The following SAMD5 variants were observed in gnomAD, a reference collection of about 807,000 sequenced individuals.
SAMD5 encodes the protein sterile alpha motif domain-containing protein 5.
A neutral mutation model predicts 11.3 loss-of-function variants in SAMD5; 13 were observed. The ratio of observed to expected loss-of-function variants is 1.15; its 90% CI spans 0.75 to 1.83. The LOEUF is 1.83. SAMD5 is among the 40% of genes most tolerant of loss of function. The pLI, the probability that SAMD5 is intolerant of heterozygous loss-of-function variation, is 0.00. For synonymous variants in SAMD5, 129 were observed against 111.3 expected, an observed-to-expected ratio of 1.16 and a Z score of -1.00; for missense variants, 255 against 239.1, an observed-to-expected ratio of 1.07 and a Z score of -0.44.
chr6:147,537,772 G>T (rs1241710742), intron 1 of SAMD5, among the ~76,000 whole-genome samples: 1 of 149,654 alleles, frequency 6.7e-6, no homozygotes, highest in Admixed American at 6.6e-5. Flanking sequence ...AAAAAAAAGA[G>T]AAAACCTTTT....
rs368476197 is a variant in SAMD5 at position 147,561,843 on chromosome 6, C to G, written c.460-2551C>G. Reference sequence around the variant, plus strand: ...AATGTGATCAGCCAGAAAAGAATGACGGCGCATTCGGCACAGGGAAATCAC... The same window carrying G: ...AATGTGATCAGCCAGAAAAGAATGAGGGCGCATTCGGCACAGGGAAATCAC... On this transcript the variant is annotated intron_variant, in intron 1 of 1. Transcript: ENST00000367474. Among the ~76,000 whole-genome samples, 5 of 152,206 alleles carry G rather than the reference C, an allele frequency of 3.3e-5. No individual in the cohort carries two copies. The South Asian group carries it at 1.0e-3, about 32-fold the overall frequency.
At chr6:147,581,574 G>A (rs1170796140) in intron 1 of SAMD5, among the ~76,000 whole-genome samples, 3 of 152,138 alleles carry the variant, frequency 2.0e-5, no homozygotes, top group East Asian at 1.9e-4. Context: ...GGCAGTCACC[G>A]AGGATGAAAG....
chr6:147,861,987 G>T, the SAMD5 span, among the ~76,000 whole-genome samples: 2 of 152,200 alleles, frequency 1.3e-5, no homozygotes, highest in Admixed American at 6.5e-5. Flanking sequence ...GAAAGGGGGA[G>T]GTCCAGTTTT....
At chr6:147,572,321 A>G (rs77681401), downstream of SAMD5, among the ~76,000 whole-genome samples, 9,505 of 152,170 alleles carry the variant, frequency 0.062, 450 homozygotes, top group African/African-American at 0.14. Flanking sequence ...TTATGGTGTG[A>G]TTTTGTTATT....
intron 1 of SAMD5, among the ~76,000 whole-genome samples, chr6:147,612,067 C>T (rs73582972): frequency 0.031 from 4,699 of 152,228 alleles, 251 homozygotes; most frequent in African/African-American, 0.11. Flanking sequence ...TATCTATCAT[C>T]GTGTGTCTCA....
intron 1 of SAMD5, among the ~76,000 whole-genome samples, chr6:147,543,823 G>C (rs1472961654): frequency 6.6e-6 from 1 of 152,166 alleles, no homozygotes; most frequent in Non-Finnish European, 1.5e-5. Flanking sequence ...TGGGCTTGCG[G>C]TCAGGTCTAG....
chr6:147,914,338 A>G, the SAMD5 span, among the ~76,000 whole-genome samples: 8 of 152,110 alleles, frequency 5.3e-5, no homozygotes, highest in Non-Finnish European at 1.2e-4. Flanking sequence ...ACAGACAACA[A>G]CAACAACGAC....
the SAMD5 span, among the ~76,000 whole-genome samples, chr6:147,879,343 C>A: frequency 6.6e-6 from 1 of 152,204 alleles, no homozygotes. Context: ...CCCGTGGACT[C>A]CTCCGAGAGC....
At chr6:147,824,797 A>G in the SAMD5 span, among the ~76,000 whole-genome samples, 1 of 152,236 alleles carries the variant, frequency 6.6e-6, no homozygotes, top group Non-Finnish European at 1.5e-5. Context: ...TACTTAAATT[A>G]CTAATGTGCT....
At chr6:147,783,550 C>T in the SAMD5 span, among the ~76,000 whole-genome samples, 13 of 152,020 alleles carry the variant, frequency 8.6e-5, no homozygotes, top group East Asian at 7.7e-4. Flanking sequence ...CCCACCACCA[C>T]GCCTGGCTAA....
chr6:147,819,430 C>T, the SAMD5 span, among the ~76,000 whole-genome samples: 8 of 152,098 alleles, frequency 5.3e-5, no homozygotes, highest in Middle Eastern at 3.4e-3. Flanking sequence ...CACATACACC[C>T]GTGAACCTAA....
intron 1 of SAMD5, among the ~76,000 whole-genome samples, chr6:147,689,269 TG>T (rs1791065569): frequency 6.6e-6 from 1 of 152,198 alleles, no homozygotes; most frequent in African/African-American, 2.4e-5. Flanking sequence ...TGGAAAGTGT[TG>T]AAAGGTAAAT....
chr6:147,756,970 T>C, the SAMD5 span, among the ~76,000 whole-genome samples: 3 of 152,334 alleles, frequency 2.0e-5, no homozygotes, highest in Non-Finnish European at 2.9e-5. Flanking sequence ...ATTTATCACA[T>C]AGAACTCCAC....
chr6:147,885,792 G>T, the SAMD5 span, among the ~76,000 whole-genome samples: 1 of 152,190 alleles, frequency 6.6e-6, no homozygotes, highest in Non-Finnish European at 1.5e-5. Flanking sequence ...AATGATCATG[G>T]TGATTATACA....
intron 1 of SAMD5, among the ~76,000 whole-genome samples, chr6:147,679,982 C>A (rs757935381): frequency 6.6e-6 from 1 of 152,038 alleles, no homozygotes; most frequent in East Asian, 1.9e-4. Context: ...GATGTCAGTA[C>A]CTTACTATTT....
the SAMD5 span, among the ~76,000 whole-genome samples, chr6:147,868,125 C>T: frequency 6.6e-6 from 1 of 152,048 alleles, no homozygotes; most frequent in Non-Finnish European, 1.5e-5. Context: ...GATTGATTTC[C>T]CTTTACAACT....
chr6:147,940,823 A>G, the SAMD5 span, among the ~76,000 whole-genome samples: 1 of 152,120 alleles, frequency 6.6e-6, no homozygotes, highest in African/African-American at 2.4e-5. Flanking sequence ...TTAGCCGGGC[A>G]TGATGGTGCA....
chr6:147,509,291 G>T lies in SAMD5; in HGVS notation c.363G>T (p.Glu121Asp), dbSNP rs1458331322. Residue 121 changes from glutamate to aspartate, a missense_variant, in exon 1 of 2, where the codon GAG becomes GAT. Physicochemically the swap from Glu to Asp is conservative, Grantham distance 45. Coordinates refer to ENST00000367474, the MANE Select transcript of SAMD5 (RefSeq NM_001030060.3). ...RGHTTAPRSR[E>D]LVSYPKLKLK... is the part of the protein sequence containing the mutation. ...ACACGACCGCCCCCCGCAGCAGGGA[G>T]CTGGTGAGCTACCCCAAACTGAAGC... 5 of 1,571,744 alleles carry T rather than the reference G, an allele frequency of 3.2e-6. No homozygotes were observed. Among genetic ancestry groups the T allele is most frequent in the East Asian group, 5.0e-5 (2 of 39,952 alleles).
downstream of SAMD5, among the ~76,000 whole-genome samples, chr6:147,571,016 T>C (rs996312341): frequency 6.6e-6 from 1 of 152,192 alleles, no homozygotes; most frequent in Non-Finnish European, 1.5e-5. Flanking sequence ...TAGAATGGAC[T>C]TAGTTTGAAC....
Sources: gnomAD v4.1 joint callset for allele counts (sites outside exome capture counted in the v4.1 genomes callset) on GRCh38, gnomAD v4.1.1 for gene constraint, MANE v1.5 for transcripts, NCBI Gene and HGNC (gene_info 2026-07-23, HGNC 2026-07-21) for gene names.